The following CTNNA3 variants were observed in gnomAD, a reference collection of about 807,000 sequenced individuals.
CTNNA3 encodes catenin alpha 3.
In CTNNA3, 76 loss-of-function variants were observed where a neutral mutation model predicts 95.7. The observed-to-expected ratio is 0.79, with a 90% confidence interval of 0.66 to 0.96. CTNNA3 has a LOEUF of 0.96. CTNNA3 is among the 40% of genes least tolerant of loss of function. The pLI is 0.00. For synonymous variants in CTNNA3, 431 were observed against 374.4 expected (o/e 1.15, Z -1.74); for missense variants, 1,191 against 1,089.8 (o/e 1.09, Z -1.31).
chr10:66,109,372 A>G (rs2082031256), intron 13 of CTNNA3, among the ~76,000 whole-genome samples: 1 of 152,130 alleles, frequency 6.6e-6, no homozygotes, highest in Non-Finnish European at 1.5e-5. Flanking sequence ...TCCAGTTGTG[A>G]GAATCTGTTT....
chr10:66,041,135 G>C (rs1325055792), intron 15 of CTNNA3, among the ~76,000 whole-genome samples: 1 of 152,104 alleles, frequency 6.6e-6, no homozygotes, highest in Non-Finnish European at 1.5e-5. Context: ...ACTGTAGCAT[G>C]CCTGCCAAAA....
intron 9 of CTNNA3, among the ~76,000 whole-genome samples, chr10:66,695,928 A>G (rs184368675): frequency 7.5e-5 from 10 of 133,460 alleles, no homozygotes; most frequent in African/African-American, 2.8e-4. Context: ...GGGGGGGGGC[A>G]ATAAAAATGT....
intron 7 of CTNNA3, among the ~76,000 whole-genome samples, chr10:67,107,951 T>C (rs982503639): frequency 1.3e-5 from 2 of 152,192 alleles, no homozygotes; most frequent in East Asian, 3.9e-4. Context: ...TTCCCCCTTT[T>C]CTTCCTTTTC....
intron 5 of CTNNA3, among the ~76,000 whole-genome samples, chr10:67,323,853 G>A (rs974424370): frequency 2.6e-5 from 4 of 151,990 alleles, no homozygotes; most frequent in African/African-American, 4.8e-5. Context: ...AATGTTTTTC[G>A]ATTTGTTTGT....
chr10:66,182,746 A>C (rs897176788), intron 13 of CTNNA3, among the ~76,000 whole-genome samples: 1 of 152,082 alleles, frequency 6.6e-6, no homozygotes, highest in South Asian at 2.1e-4. Flanking sequence ...TTTTTAAAAG[A>C]AATAATTTAA....
intron 7 of CTNNA3, among the ~76,000 whole-genome samples, chr10:66,922,943 G>A (rs1346227077): frequency 1.3e-5 from 2 of 151,922 alleles, no homozygotes; most frequent in Non-Finnish European, 2.9e-5. Flanking sequence ...AAGCATTTAC[G>A]CTTTGTATAA....
At chr10:66,183,109 G>T (rs977686489) in intron 13 of CTNNA3, among the ~76,000 whole-genome samples, 9 of 152,140 alleles carry the variant, frequency 5.9e-5, no homozygotes, top group African/African-American at 1.9e-4. Flanking sequence ...ATCAACTGGA[G>T]AAAAACTACT....
chr10:66,413,589 T>A (rs12261047), intron 11 of CTNNA3, among the ~76,000 whole-genome samples: 20,487 of 152,190 alleles, frequency 0.13, 1,768 homozygotes, highest in African/African-American at 0.25. Context: ...AATTTTATAG[T>A]TGGTACAAGC....
intron 9 of CTNNA3, among the ~76,000 whole-genome samples, chr10:66,746,204 T>C (rs1258608110): frequency 6.6e-6 from 1 of 152,050 alleles, no homozygotes; most frequent in Non-Finnish European, 1.5e-5. Flanking sequence ...TGCTAACAAA[T>C]AATACTAGAT....
chr10:66,208,837 T>C (rs1194837001), intron 13 of CTNNA3, among the ~76,000 whole-genome samples: 1 of 152,048 alleles, frequency 6.6e-6, no homozygotes. Context: ...TTTAATAACA[T>C]GAGGATTTCT....
At chr10:65,967,254 C>T (rs992649885) in intron 16 of CTNNA3, among the ~76,000 whole-genome samples, 8 of 151,818 alleles carry the variant, frequency 5.3e-5, no homozygotes, top group Non-Finnish European at 1.0e-4. Context: ...CCACACCTGG[C>T]CAAGAAACGT....
At chr10:66,522,471 G>A (rs1427603865) in intron 10 of CTNNA3, among the ~76,000 whole-genome samples, 1 of 152,016 alleles carries the variant, frequency 6.6e-6, no homozygotes, top group Non-Finnish European at 1.5e-5. Flanking sequence ...CTGTTCTTAT[G>A]ATAGTTGAGT....
chr10:65,958,092 C>CT (rs201072611), intron 17 of CTNNA3, among the ~76,000 whole-genome samples: 21,730 of 152,026 alleles, frequency 0.14, 1,776 homozygotes, highest in South Asian at 0.26. Flanking sequence ...TCTTTTTACT[C>CT]TTTTTTCTCT....
At chr10:67,606,746 A>G (rs1843286953) in intron 3 of CTNNA3, 111 bp downstream of exon 3, 5 of 854,456 alleles carry the variant, frequency 5.9e-6, no homozygotes, top group Non-Finnish European at 9.1e-6. Flanking sequence ...ACAGCTCTGC[A>G]AAAGACTAAA....
At chr10:66,341,363 C>A (rs893427260) in intron 12 of CTNNA3, among the ~76,000 whole-genome samples, 4 of 151,868 alleles carry the variant, frequency 2.6e-5, no homozygotes, top group African/African-American at 9.7e-5. Context: ...TCAGTGAAAG[C>A]AAAACCCCAT....
intron 1 of CTNNA3, among the ~76,000 whole-genome samples, chr10:67,689,397 TA>T (rs1840798042): frequency 6.6e-6 from 1 of 152,044 alleles, no homozygotes; most frequent in Non-Finnish European, 1.5e-5. Flanking sequence ...CCCGGGTGCC[TA>T]AAGAAGGTAA....
intron 7 of CTNNA3, among the ~76,000 whole-genome samples, chr10:67,036,400 C>A (rs576023808): frequency 6.6e-6 from 1 of 151,990 alleles, no homozygotes; most frequent in African/African-American, 2.4e-5. Flanking sequence ...TCCCAAGTAG[C>A]GACACCTGTA....
At chr10:66,460,526 T>G (rs1438317960) in intron 11 of CTNNA3, among the ~76,000 whole-genome samples, 2 of 152,114 alleles carry the variant, frequency 1.3e-5, no homozygotes, top group Non-Finnish European at 1.5e-5. Flanking sequence ...TAGAAGGTTT[T>G]TTCCCCCTGC....
intron 1 of CTNNA3, among the ~76,000 whole-genome samples, chr10:67,703,429 G>GA (rs1260444683): frequency 6.6e-6 from 1 of 151,982 alleles, no homozygotes; most frequent in Non-Finnish European, 1.5e-5. Flanking sequence ...TATCCACCAT[G>GA]ATCAAGTGGG....
Sources: allele counts gnomAD v4.1 joint callset (sites outside exome capture counted in the v4.1 genomes callset), GRCh38; gene constraint gnomAD v4.1.1; transcripts MANE v1.5; gene names NCBI Gene and HGNC (gene_info 2026-07-23, HGNC 2026-07-21).